Variants in MAP3K13 observed in about 807,000 individuals in gnomAD.
MAP3K13 encodes mitogen-activated protein kinase kinase kinase 13.
A neutral mutation model predicts 104.0 loss-of-function variants in MAP3K13; 52 were observed. That is an observed-to-expected ratio of 0.50 (90% CI 0.40 to 0.63). The LOEUF is 0.63. Ranked by LOEUF, MAP3K13 falls within the 20% of genes least tolerant of loss-of-function variation. MAP3K13 has a pLI of 0.00. For missense variants in MAP3K13, 914 were observed against 1,218.5 expected (o/e 0.75, Z 3.72); for synonymous variants, 394 against 442.2 (o/e 0.89, Z 1.37).
intron 1 of MAP3K13, among the ~76,000 whole-genome samples, chr3:185,399,759 AC>A (rs1712678973): frequency 6.6e-6 from 1 of 150,802 alleles, no homozygotes; most frequent in South Asian, 2.1e-4. Context: ...TGCCCCAGTT[AC>A]AGTTTAGCTA....
intron 2 of MAP3K13, among the ~76,000 whole-genome samples, chr3:185,299,515 A>G (rs1158402551): frequency 4.0e-5 from 6 of 150,924 alleles, no homozygotes; most frequent in African/African-American, 1.2e-4. Flanking sequence ...TCATATTGCT[A>G]TCTTCTCTGT....
At chr3:185,472,350 C>CT (rs1717852960) in intron 10 of MAP3K13, among the ~76,000 whole-genome samples, 1 of 151,486 alleles carries the variant, frequency 6.6e-6, no homozygotes, top group Non-Finnish European at 1.5e-5. Context: ...GTAGCTGGGA[C>CT]TACAGGCATG....
At chr3:185,411,781 C>CTTTTTTTTTTTTTTTTT (rs67723912) in intron 1 of MAP3K13, among the ~76,000 whole-genome samples, 1 of 94,058 alleles carries the variant, frequency 1.1e-5, no homozygotes, top group Non-Finnish European at 2.2e-5. Context: ...GCAGTTATGT[C>CTTTTTTTTTTTTTTTTT]TTTTTTTTTT....
intron 13 of MAP3K13, among the ~76,000 whole-genome samples, chr3:185,481,615 C>T (rs990848527): frequency 6.6e-6 from 1 of 152,162 alleles, no homozygotes; most frequent in Non-Finnish European, 1.5e-5. Flanking sequence ...GAGAGGCAGG[C>T]TAGCATAGTG....
At chr3:185,453,897 C>T (rs1293202354) in intron 7 of MAP3K13, among the ~76,000 whole-genome samples, 4 of 63,796 alleles carry the variant, frequency 6.3e-5, no homozygotes, top group African/African-American at 2.2e-4. Context: ...ATATGTGATA[C>T]ATATATATGA....
At chr3:185,390,621 ATTT>A (rs750832762) in intron 1 of MAP3K13, among the ~76,000 whole-genome samples, 25 of 123,650 alleles carry the variant, frequency 2.0e-4, no homozygotes, top group East Asian at 1.1e-3. Flanking sequence ...TACAGTCAGA[ATTT>A]TTTTTTTTTT....
chr3:185,285,413 A>C (rs1720474440), intron 1 of MAP3K13: 2 of 428,076 alleles, frequency 4.7e-6, no homozygotes, highest in South Asian at 5.8e-5. Flanking sequence ...ATGTCCACTA[A>C]ATTTTGGACA....
At chr3:185,397,283 C>T (rs966720569) in intron 1 of MAP3K13, among the ~76,000 whole-genome samples, 1 of 152,096 alleles carries the variant, frequency 6.6e-6, no homozygotes, top group Non-Finnish European at 1.5e-5. Flanking sequence ...TTTCTAATTG[C>T]TTATAGGACC....
intron 2 of MAP3K13, among the ~76,000 whole-genome samples, chr3:185,342,911 A>G (rs1053037577): frequency 6.6e-6 from 1 of 152,222 alleles, no homozygotes; most frequent in Non-Finnish European, 1.5e-5. Context: ...ACTCATAGAC[A>G]TAAGTTATTA....
At chr3:185,481,850 C>T (rs1429129809) in intron 13 of MAP3K13, among the ~76,000 whole-genome samples, 3 of 152,272 alleles carry the variant, frequency 2.0e-5, no homozygotes, top group African/African-American at 7.2e-5. Flanking sequence ...TTTGGGAGGC[C>T]GAGGCAGATG....
chr3:185,455,616 A>ATATATATGACATATATATCATATATAT (rs1386113405), intron 7 of MAP3K13, among the ~76,000 whole-genome samples: 2 of 111,804 alleles, frequency 1.8e-5, no homozygotes, highest in Non-Finnish European at 3.5e-5. Flanking sequence ...CATATATATG[A>ATATATATGACATATATATCATATATAT]GATATATGAT....
chr3:185,419,532 C>T (rs1213534119), intron 1 of MAP3K13, among the ~76,000 whole-genome samples: 2 of 152,098 alleles, frequency 1.3e-5, no homozygotes, highest in Non-Finnish European at 2.9e-5. Context: ...CAAAGAACAA[C>T]AGTAATAACC....
chr3:185,308,388 A>G (rs1721379259), intron 2 of MAP3K13, among the ~76,000 whole-genome samples: 1 of 152,214 alleles, frequency 6.6e-6, no homozygotes, highest in African/African-American at 2.4e-5. Flanking sequence ...GTTCCCAGGC[A>G]TGCAAAAGTT....
intron 2 of MAP3K13, among the ~76,000 whole-genome samples, chr3:185,290,308 G>A (rs1720686606): frequency 6.6e-6 from 1 of 152,036 alleles, no homozygotes; most frequent in Non-Finnish European, 1.5e-5. Flanking sequence ...GCAAAAAAAG[G>A]AGTAAAGTTG....
At chr3:185,454,963 TGA>T (rs1217524894) in intron 7 of MAP3K13, among the ~76,000 whole-genome samples, 1 of 98,412 alleles carries the variant, frequency 1.0e-5, no homozygotes, top group Admixed American at 1.5e-4. Context: ...GATATATATA[TGA>T]GATATATATA....
intron 2 of MAP3K13, among the ~76,000 whole-genome samples, chr3:185,432,731 A>G (rs1247015868): frequency 2.0e-5 from 3 of 152,162 alleles, no homozygotes; most frequent in Non-Finnish European, 4.4e-5. Context: ...ATTTTTTGTT[A>G]TTATTCTGTA....
At chr3:185,404,996 A>C (rs1713032101) in intron 1 of MAP3K13, among the ~76,000 whole-genome samples, 1 of 152,214 alleles carries the variant, frequency 6.6e-6, no homozygotes, top group Admixed American at 6.5e-5. Flanking sequence ...AGCCCATCCT[A>C]CTGGCAATGT....
intron 2 of MAP3K13, among the ~76,000 whole-genome samples, chr3:185,298,065 T>C (rs547624452): frequency 6.6e-6 from 1 of 152,268 alleles, no homozygotes; most frequent in African/African-American, 2.4e-5. Flanking sequence ...TACAGGCCTT[T>C]CAGTAAACTC....
Position 185,465,899 on chromosome 3 carries a change from T to C in MAP3K13, c.1505+36T>C, listed in dbSNP as rs760788301. On this transcript the variant is annotated intron_variant, in intron 9 of 13. Transcript: ENST00000265026. ...AGACTAGTGTCTGTTCTTACTGATTTGAGTCTGTCAATCAGCAGAAACATA... is the reference window on the plus strand; with the variant it reads ...AGACTAGTGTCTGTTCTTACTGATTCGAGTCTGTCAATCAGCAGAAACATA... 26 of 1,444,644 alleles carry C rather than the reference T, an allele frequency of 1.8e-5. No individual in the cohort carries two copies. In the African/African-American group the frequency reaches 3.3e-4, roughly 19 times the overall value. The allele number at this position is 1,444,644 out of a possible 1,614,324, so 89.5% of individuals were successfully genotyped here. A position where few individuals can be genotyped will look rare whatever the true frequency, so the allele number is the denominator to read the frequency against.
Sources: gnomAD v4.1 joint callset for allele counts (sites outside exome capture counted in the v4.1 genomes callset) on GRCh38, gnomAD v4.1.1 for gene constraint, MANE v1.5 for transcripts, NCBI Gene and HGNC (gene_info 2026-07-23, HGNC 2026-07-21) for gene names.